EDIL3: variants seen among roughly 807,000 people sequenced by gnomAD.
EDIL3 encodes EGF like and discoidin domains 3.
Under a neutral mutation model 67.4 loss-of-function variants are expected in EDIL3, and 37 were observed. The ratio of observed to expected loss-of-function variants is 0.55; its 90% confidence interval spans 0.42 to 0.72. The LOEUF (loss-of-function observed/expected upper bound fraction) is 0.72, where lower values mean the gene tolerates loss of function less well. Ranked by LOEUF, EDIL3 falls within the 30% of genes least tolerant of loss-of-function variation. The probability of loss-of-function intolerance (pLI) is 0.00; values close to 1 mark genes in which losing one functional copy is unlikely to be tolerated. For synonymous variants in EDIL3, 195 were observed against 196.3 expected, an observed-to-expected ratio of 0.99 and a Z score of 0.05; for missense variants, 527 against 586.3, an observed-to-expected ratio of 0.90 and a Z score of 1.04.
At chr5:84,012,735 G>C (rs973307049) in intron 9 of EDIL3, among the ~76,000 whole-genome samples, 1 of 151,910 alleles carries the variant, frequency 6.6e-6, no homozygotes, top group Non-Finnish European at 1.5e-5. Flanking sequence ...ATTCTCCATA[G>C]GTTAAGACAT....
At chr5:84,166,106 C>G (rs1748699030) in intron 4 of EDIL3, among the ~76,000 whole-genome samples, 1 of 152,056 alleles carries the variant, frequency 6.6e-6, no homozygotes, top group Admixed American at 6.6e-5. Flanking sequence ...TCTTAAAAAG[C>G]TTTAAAAATT....
intron 6 of EDIL3, among the ~76,000 whole-genome samples, chr5:84,070,341 G>A (rs868316823): frequency 3.9e-5 from 6 of 152,194 alleles, no homozygotes; most frequent in Middle Eastern, 3.4e-3. Flanking sequence ...TAACATGCCC[G>A]GTGGGGCTTC....
chr5:84,157,060 G>A (rs1168935094), intron 4 of EDIL3, among the ~76,000 whole-genome samples: 1 of 151,790 alleles, frequency 6.6e-6, no homozygotes, highest in Non-Finnish European at 1.5e-5. Flanking sequence ...CTTTCAAAAG[G>A]TCTTAGAAAA....
intron 4 of EDIL3, among the ~76,000 whole-genome samples, chr5:84,151,016 G>A (rs1180063871): frequency 6.6e-6 from 1 of 152,016 alleles, no homozygotes; most frequent in Non-Finnish European, 1.5e-5. Context: ...GAAGTTGAAG[G>A]GGCAGGAAGG....
intron 6 of EDIL3, among the ~76,000 whole-genome samples, chr5:84,096,440 G>T (rs372277793): frequency 2.0e-5 from 3 of 152,202 alleles, no homozygotes; most frequent in East Asian, 3.9e-4. Context: ...GGAGCTTTAA[G>T]ATTTGACTAC....
chr5:84,097,899 A>C (rs1282736380), intron 6 of EDIL3, among the ~76,000 whole-genome samples: 1 of 152,134 alleles, frequency 6.6e-6, no homozygotes, highest in Non-Finnish European at 1.5e-5. Context: ...GTTAGTTAGC[A>C]AAGCACCCAG....
chr5:83,943,903 C>G (rs1030205854), intron 10 of EDIL3, among the ~76,000 whole-genome samples: 1 of 151,996 alleles, frequency 6.6e-6, no homozygotes, highest in Non-Finnish European at 1.5e-5. Flanking sequence ...GCTGAAGATG[C>G]TCTCTTCCAC....
intron 10 of EDIL3, among the ~76,000 whole-genome samples, chr5:83,961,726 T>C (rs1335238505): frequency 6.6e-6 from 1 of 151,212 alleles, no homozygotes; most frequent in Non-Finnish European, 1.5e-5. Context: ...CTGTAAAAGG[T>C]AAAAGACAGG....
chr5:84,323,219 T>G (rs969486138), intron 1 of EDIL3, among the ~76,000 whole-genome samples: 20 of 152,052 alleles, frequency 1.3e-4, no homozygotes, highest in Admixed American at 9.2e-4. Flanking sequence ...ATTTAAAGAA[T>G]TATCAGTGTA....
intron 3 of EDIL3, among the ~76,000 whole-genome samples, chr5:84,214,557 G>GTGAA (rs564015704): frequency 1.8e-4 from 27 of 152,224 alleles, no homozygotes; most frequent in Non-Finnish European, 3.7e-4. Context: ...ATACCTAGAT[G>GTGAA]TGAAACCTGT....
At chr5:84,260,266 C>A (rs958848751) in intron 1 of EDIL3, among the ~76,000 whole-genome samples, 1 of 152,122 alleles carries the variant, frequency 6.6e-6, no homozygotes, top group Non-Finnish European at 1.5e-5. Context: ...TTCACAAGAG[C>A]TGCAAACTGA....
chr5:84,198,731 A>G (rs1320964473), intron 3 of EDIL3, among the ~76,000 whole-genome samples: 1 of 138,786 alleles, frequency 7.2e-6, no homozygotes, highest in Non-Finnish European at 1.5e-5. Flanking sequence ...GAATTTGTAT[A>G]TTATGAAATG....
At chr5:84,205,087 T>A (rs2112382358) in intron 3 of EDIL3, among the ~76,000 whole-genome samples, 1 of 151,706 alleles carries the variant, frequency 6.6e-6, no homozygotes, top group Admixed American at 6.6e-5. Context: ...AAGATTTTTT[T>A]TTTTTTTTTG....
intron 5 of EDIL3, among the ~76,000 whole-genome samples, chr5:84,124,919 C>T (rs1747839550): frequency 6.6e-6 from 1 of 151,958 alleles, no homozygotes; most frequent in Admixed American, 6.6e-5. Context: ...TTCTCAGGTA[C>T]ACTTATAAAC....
intron 1 of EDIL3, among the ~76,000 whole-genome samples, chr5:84,267,614 T>C (rs891181307): frequency 6.6e-6 from 1 of 152,164 alleles, no homozygotes; most frequent in South Asian, 2.1e-4. Flanking sequence ...GAATCATCAT[T>C]TGAGTTGAGA....
intron 4 of EDIL3, among the ~76,000 whole-genome samples, chr5:84,161,735 G>T (rs938692903): frequency 9.2e-5 from 14 of 152,072 alleles, no homozygotes; most frequent in African/African-American, 3.1e-4. Context: ...AGGCCTACCT[G>T]GGAAAATTGC....
At chr5:84,229,933 A>G (rs1348526358) in intron 2 of EDIL3, 49 bp from the exon 3 acceptor site, 2 of 1,265,376 alleles carry the variant, frequency 1.6e-6, no homozygotes, top group East Asian at 5.6e-5. Context: ...AAGTGAAGGG[A>G]GGGAGAAGGG....
intron 3 of EDIL3, among the ~76,000 whole-genome samples, chr5:84,229,009 CTT>C (rs1466282735): frequency 6.6e-6 from 1 of 152,146 alleles, no homozygotes; most frequent in East Asian, 1.9e-4. Flanking sequence ...ATGCCGAGGT[CTT>C]TTCTCTTCAG....
intron 9 of EDIL3, among the ~76,000 whole-genome samples, chr5:83,983,219 C>T (rs1030385604): frequency 6.6e-6 from 1 of 152,092 alleles, no homozygotes; most frequent in African/African-American, 2.4e-5. Context: ...TTGCAGTAAT[C>T]TGTTTACAAA....
Sources: allele counts gnomAD v4.1 joint callset (sites outside exome capture counted in the v4.1 genomes callset), GRCh38; gene constraint gnomAD v4.1.1; transcripts MANE v1.5; gene names NCBI Gene and HGNC (gene_info 2026-07-23, HGNC 2026-07-21).